Variants in EPHA6 observed in about 807,000 individuals in gnomAD.
EPHA6 encodes the protein EPH receptor A6, also known as ephrin type-A receptor 6.
Under a neutral mutation model 112.0 loss-of-function variants are expected in EPHA6, and 50 were observed. That is an observed-to-expected ratio of 0.45 (90% CI 0.36 to 0.56). The LOEUF is 0.56. EPHA6 is among the 20% of genes least tolerant of loss of function. The pLI, the probability that EPHA6 is intolerant of heterozygous loss-of-function variation, is 0.00. For synonymous variants in EPHA6, 529 were observed against 490.7 expected (o/e 1.08, Z -1.03); for missense variants, 1,280 against 1,417.4 (o/e 0.90, Z 1.56).
intron 5 of EPHA6, among the ~76,000 whole-genome samples, chr3:97,343,491 C>A (rs537962024): frequency 1.2e-4 from 18 of 152,214 alleles, no homozygotes; most frequent in African/African-American, 4.3e-4. Context: ...CTAAATCTGC[C>A]TGTCTATATT....
chr3:97,365,244 T>A (rs925304566), intron 5 of EPHA6, among the ~76,000 whole-genome samples: 64 of 152,040 alleles, frequency 4.2e-4, no homozygotes, highest in African/African-American at 1.4e-3. Flanking sequence ...TAAAGACTTT[T>A]AAAAAAAATT....
chr3:97,431,967 G>A (rs1376351597), intron 6 of EPHA6, among the ~76,000 whole-genome samples: 2 of 152,132 alleles, frequency 1.3e-5, no homozygotes, highest in East Asian at 3.9e-4. Context: ...TGTCAAAATG[G>A]TTTCATTGTA....
intron 5 of EPHA6, among the ~76,000 whole-genome samples, chr3:97,246,915 C>A (rs571339308): frequency 2.0e-5 from 3 of 152,000 alleles, no homozygotes; most frequent in South Asian, 4.1e-4. Context: ...ATCAGATATC[C>A]TTTCCATTTC....
intron 5 of EPHA6, among the ~76,000 whole-genome samples, chr3:97,378,064 T>C (rs920065384): frequency 6.6e-6 from 1 of 152,164 alleles, no homozygotes; most frequent in Non-Finnish European, 1.5e-5. Context: ...TGCAGCAGCC[T>C]CTCCCTTCAC....
chr3:97,114,868 A>G (rs1301461506), intron 3 of EPHA6, among the ~76,000 whole-genome samples: 3 of 152,034 alleles, frequency 2.0e-5, no homozygotes, highest in African/African-American at 4.8e-5. Flanking sequence ...ACAATTGTAC[A>G]AATGTTCTCT....
intron 3 of EPHA6, among the ~76,000 whole-genome samples, chr3:97,164,220 T>G (rs1160364328): frequency 2.0e-5 from 3 of 152,192 alleles, no homozygotes. Flanking sequence ...ATAGATATTT[T>G]GCATATTTGT....
intron 6 of EPHA6, among the ~76,000 whole-genome samples, chr3:97,417,397 A>AACTC (rs919198521): frequency 3.3e-5 from 5 of 152,012 alleles, no homozygotes; most frequent in Admixed American, 6.6e-5. Context: ...CTTACTCCTG[A>AACTC]ACTCCTACTT....
intron 2 of EPHA6, among the ~76,000 whole-genome samples, chr3:96,924,908 T>C (rs2039956581): frequency 1.3e-5 from 2 of 152,190 alleles, no homozygotes; most frequent in Non-Finnish European, 2.9e-5. Context: ...TTTTTGTCTT[T>C]AGTTATGTTT....
At chr3:97,453,272 A>C (rs1254047280) in intron 7 of EPHA6, among the ~76,000 whole-genome samples, 1 of 151,710 alleles carries the variant, frequency 6.6e-6, no homozygotes, top group African/African-American at 2.4e-5. Context: ...TTTTGAAAGA[A>C]AATTGGAATT....
intron 2 of EPHA6, among the ~76,000 whole-genome samples, chr3:96,964,037 C>T (rs781198091): frequency 2.0e-5 from 3 of 151,808 alleles, no homozygotes. Flanking sequence ...ATTTGTGGGT[C>T]CTAATAGGTT....
At chr3:97,310,537 CA>C (rs1305226814) in intron 5 of EPHA6, among the ~76,000 whole-genome samples, 1 of 143,328 alleles carries the variant, frequency 7.0e-6, no homozygotes, top group East Asian at 2.0e-4. Flanking sequence ...AATTGATGCT[CA>C]AAAATATGAT....
chr3:97,442,717 T>G (rs1451856223), intron 6 of EPHA6, among the ~76,000 whole-genome samples: 1 of 152,144 alleles, frequency 6.6e-6, no homozygotes, highest in African/African-American at 2.4e-5. Flanking sequence ...GATTGCAACA[T>G]TAAAGTAGAA....
At chr3:97,113,657 C>T (rs1440533853) in intron 3 of EPHA6, among the ~76,000 whole-genome samples, 2 of 152,118 alleles carry the variant, frequency 1.3e-5, no homozygotes, top group Non-Finnish European at 2.9e-5. Context: ...AAAAAAAAGT[C>T]TTTCTTGCCT....
chr3:97,205,446 T>A (rs2077690639), intron 3 of EPHA6, among the ~76,000 whole-genome samples: 1 of 152,192 alleles, frequency 6.6e-6, no homozygotes, highest in African/African-American at 2.4e-5. Flanking sequence ...ATTCATTTAC[T>A]ATGTACAGAT....
chr3:96,955,984 T>C (rs1278256968), intron 2 of EPHA6, among the ~76,000 whole-genome samples: 2 of 152,340 alleles, frequency 1.3e-5, no homozygotes, highest in South Asian at 4.1e-4. Flanking sequence ...CACATCCTTT[T>C]TTATACTTAT....
intron 3 of EPHA6, among the ~76,000 whole-genome samples, chr3:97,029,668 G>T (rs1207192064): frequency 2.6e-5 from 4 of 152,058 alleles, no homozygotes; most frequent in Admixed American, 6.6e-5. Flanking sequence ...TGTTGTGGTG[G>T]TTTCATCAAA....
chr3:97,330,333 A>C (rs2082719938), intron 5 of EPHA6, among the ~76,000 whole-genome samples: 1 of 152,074 alleles, frequency 6.6e-6, no homozygotes. Flanking sequence ...ACTTTAAAGT[A>C]GTTTTTTCCA....
chr3:97,011,903 G>A (rs1212370087), intron 3 of EPHA6, among the ~76,000 whole-genome samples: 1 of 152,124 alleles, frequency 6.6e-6, no homozygotes, highest in African/African-American at 2.4e-5. Flanking sequence ...TTACTTATAA[G>A]TAAGTATGGT....
At chr3:96,842,379 G>A (rs1329322232) in intron 1 of EPHA6, among the ~76,000 whole-genome samples, 1 of 151,998 alleles carries the variant, frequency 6.6e-6, no homozygotes, top group Non-Finnish European at 1.5e-5. Flanking sequence ...TCTAATTGGT[G>A]TGGGAGGGCA....
Sources: gnomAD v4.1 joint callset for allele counts (sites outside exome capture counted in the v4.1 genomes callset) on GRCh38, gnomAD v4.1.1 for gene constraint, MANE v1.5 for transcripts, NCBI Gene and HGNC (gene_info 2026-07-23, HGNC 2026-07-21) for gene names.